RBM47: variants seen among roughly 807,000 people sequenced by gnomAD.
RBM47 encodes RNA binding motif protein 47.
Under a neutral mutation model 47.1 loss-of-function variants are expected in RBM47, and 21 were observed. That is an observed-to-expected ratio of 0.45 (90% CI 0.32 to 0.64). The LOEUF is 0.64. Ranked by LOEUF, RBM47 falls within the 30% of genes least tolerant of loss-of-function variation. RBM47 has a pLI of 0.05. For missense variants in RBM47, 708 were observed against 870.9 expected, an observed-to-expected ratio of 0.81 and a Z score of 2.35; for synonymous variants, 375 against 361.7, an observed-to-expected ratio of 1.04 and a Z score of -0.42.
intron 2 of RBM47, among the ~76,000 whole-genome samples, chr4:40,469,846 G>A (rs1267195406): frequency 6.6e-6 from 1 of 152,038 alleles, no homozygotes; most frequent in Non-Finnish European, 1.5e-5. Flanking sequence ...TGTTGGCCAG[G>A]CTGGTCTCTA....
intron 2 of RBM47, among the ~76,000 whole-genome samples, chr4:40,538,352 G>A (rs1728180052): frequency 7.6e-6 from 1 of 130,736 alleles, no homozygotes; most frequent in Non-Finnish European, 1.5e-5. Context: ...TTTTGAGACA[G>A]AGTCTTGCTC....
chr4:40,493,194 C>T (rs934334191), intron 2 of RBM47, among the ~76,000 whole-genome samples: 3 of 152,040 alleles, frequency 2.0e-5, no homozygotes, highest in Admixed American at 6.6e-5. Context: ...AGCTGGGTGC[C>T]GAGGTTACAA....
At chr4:40,512,244 A>T (rs1253366509) in intron 2 of RBM47, among the ~76,000 whole-genome samples, 1 of 151,332 alleles carries the variant, frequency 6.6e-6, no homozygotes, top group Non-Finnish European at 1.5e-5. Flanking sequence ...AACATAATGA[A>T]ACCCCTTCTC....
chr4:40,435,278 G>A (rs375456203), intron 5 of RBM47, among the ~76,000 whole-genome samples: 20 of 152,322 alleles, frequency 1.3e-4, no homozygotes, highest in African/African-American at 4.8e-4. Context: ...GCCAGGTGCA[G>A]TGGCTCATGC....
In RBM47 at chr4:40,528,542, G is replaced by A. The variant is rs1726985568; in HGVS notation, c.-155+15880C>T. Among the ~76,000 whole-genome samples, 3 of 151,932 alleles carry A rather than the reference G, an allele frequency of 2.0e-5. No homozygotes were observed. The South Asian group carries it at 6.2e-4, about 32-fold the overall frequency. Reference sequence around the variant, plus strand: ...GAGCCACCGTAATCCTAGCACTTGGGAGACCTGAGGTCAGGAGTTCAAGAC... The same window carrying A: ...GAGCCACCGTAATCCTAGCACTTGGAAGACCTGAGGTCAGGAGTTCAAGAC... On this transcript the variant is annotated intron_variant, in intron 2 of 6. Transcript: ENST00000295971.
intron 1 of RBM47, among the ~76,000 whole-genome samples, chr4:40,595,983 T>A (rs767451946): frequency 2.0e-5 from 3 of 151,932 alleles, no homozygotes; most frequent in Non-Finnish European, 2.9e-5. Flanking sequence ...CTGCAGCCAG[T>A]GTGGACGCAG....
chr4:40,599,890 TG>T (rs1735089719), intron 1 of RBM47, among the ~76,000 whole-genome samples: 1 of 152,064 alleles, frequency 6.6e-6, no homozygotes, highest in Non-Finnish European at 1.5e-5. Flanking sequence ...GAATATAGGG[TG>T]GTTTGTTGTA....
At chr4:40,623,121 G>A (rs1737418522) in intron 1 of RBM47, among the ~76,000 whole-genome samples, 1 of 152,142 alleles carries the variant, frequency 6.6e-6, no homozygotes, top group Admixed American at 6.5e-5. Context: ...GTTCCCACCG[G>A]AGAAGTGACT....
At chr4:40,460,384 G>A (rs1716932089) in intron 3 of RBM47, among the ~76,000 whole-genome samples, 1 of 152,200 alleles carries the variant, frequency 6.6e-6, no homozygotes, top group Non-Finnish European at 1.5e-5. Flanking sequence ...TATTTTGAGA[G>A]GCTGCTTATT....
chr4:40,437,117 C>CATATATATATATATATAT (rs767630676), intron 4 of RBM47, among the ~76,000 whole-genome samples: 1 of 53,288 alleles, frequency 1.9e-5, no homozygotes, highest in Non-Finnish European at 3.1e-5. Context: ...ATATAAAATA[C>CATATATATATATATATAT]ATATATATAT....
At chr4:40,556,569 C>T (rs1221798447) in intron 1 of RBM47, among the ~76,000 whole-genome samples, 1 of 151,958 alleles carries the variant, frequency 6.6e-6, no homozygotes, top group Non-Finnish European at 1.5e-5. Flanking sequence ...ATTACTTTTG[C>T]ACCAAACTAA....
Position 40,432,878 on chromosome 4 carries a change from G to A in RBM47, c.1331-16C>T, listed in dbSNP as rs1247473583. The A allele has an allele frequency of 6.2e-7, 1 of 1,612,082 alleles. No homozygotes were observed. The highest frequency in any genetic ancestry group is 1.7e-5 in the Admixed American group (1 of 59,268). ...GGGATGGCTACTGCAAGAGAAGCAA[G>A]AAGGAAAAACAGGTCAATCACTTTC... is the stretch of plus-strand genomic sequence containing the variant. On this transcript the variant is annotated splice_polypyrimidine_tract_variant and intron_variant, in intron 5 of 6. Transcript: ENST00000295971.
At chr4:40,532,183 T>A (rs2154259644) in intron 2 of RBM47, among the ~76,000 whole-genome samples, 1 of 151,198 alleles carries the variant, frequency 6.6e-6, no homozygotes, top group East Asian at 2.0e-4. Flanking sequence ...GCTAATTTTT[T>A]GTATTTTTAG....
intron 6 of RBM47, among the ~76,000 whole-genome samples, chr4:40,429,479 A>AG (rs1392290059): frequency 3.9e-5 from 6 of 152,050 alleles, no homozygotes; most frequent in African/African-American, 1.4e-4. Context: ...CCCAAGGATA[A>AG]GGGGGGACCA....
At chr4:40,629,109 G>GA (rs539330015) in intron 1 of RBM47, among the ~76,000 whole-genome samples, 3,083 of 145,386 alleles carry the variant, frequency 0.021, 97 homozygotes, top group African/African-American at 0.068. Flanking sequence ...TTTCAAGAGT[G>GA]AAAAAAAAAA....
At chr4:40,551,918 G>C (rs1408821663) in intron 1 of RBM47, among the ~76,000 whole-genome samples, 1 of 151,848 alleles carries the variant, frequency 6.6e-6, no homozygotes, top group Non-Finnish European at 1.5e-5. Context: ...CAAAGCGCTG[G>C]GAATTACAGG....
At chr4:40,432,591 G>A in intron 6 of RBM47, 60 bp downstream of exon 6, 1 of 1,602,088 alleles carries the variant, frequency 6.2e-7, no homozygotes, top group Non-Finnish European at 8.5e-7. Context: ...AATACTAAAT[G>A]AATCCATGTT....
In RBM47 at chr4:40,437,090, A is replaced by AAAAAAAAAAAAATATATATAT. The variant is rs1256296949; in HGVS notation, c.1124-444_1124-443insATATATATATTTTTTTTTTTT. ...CCCTGTCTCAAAAAAAAAAAAAAAA[A>AAAAAAAAAAAAATATATATAT]ATATATATATATATATATATAAAAT... On this transcript the variant is annotated intron_variant, in intron 4 of 6. Coordinates refer to ENST00000295971, the MANE Select transcript of RBM47 (RefSeq NM_001098634.2). 1.6e-4 allele frequency among the ~76,000 whole-genome samples: 8 copies of AAAAAAAAAAAAATATATATAT among 49,786 alleles called. 1 individual carries two copies. In the East Asian group the frequency reaches 2.3e-3, roughly 15 times the overall value. 32.7% of individuals were successfully genotyped at this position (49,786 alleles called of 152,430 possible). A position where few individuals can be genotyped will look rare whatever the true frequency, so the allele number is the denominator to read the frequency against.
intron 1 of RBM47, among the ~76,000 whole-genome samples, chr4:40,596,797 A>G (rs1054118331): frequency 3.3e-5 from 5 of 151,556 alleles, no homozygotes; most frequent in African/African-American, 1.2e-4. Context: ...GGGAGTGGCC[A>G]CCCCTGAGAA....
Sources: allele counts gnomAD v4.1 joint callset (sites outside exome capture counted in the v4.1 genomes callset), GRCh38; gene constraint gnomAD v4.1.1; transcripts MANE v1.5; gene names NCBI Gene and HGNC (gene_info 2026-07-23, HGNC 2026-07-21).